The following TMEM132E variants were observed in gnomAD, a reference collection of about 807,000 sequenced individuals.
TMEM132E encodes the protein transmembrane protein 132E.
A neutral mutation model predicts 78.5 loss-of-function variants in TMEM132E; 49 were observed. The ratio of observed to expected loss-of-function variants is 0.62; its 90% CI spans 0.50 to 0.79. The LOEUF (loss-of-function observed/expected upper bound fraction) is 0.79. Ranked by LOEUF, TMEM132E falls within the 30% of genes least tolerant of loss-of-function variation. TMEM132E has a pLI of 0.00. For missense variants in TMEM132E, 1,403 were observed against 1,470.9 expected, an observed-to-expected ratio of 0.95 and a Z score of 0.75; for synonymous variants, 715 against 670.6, an observed-to-expected ratio of 1.07 and a Z score of -1.02.
intron 1 of TMEM132E, among the ~76,000 whole-genome samples, chr17:34,589,520 G>A (rs760987153): frequency 2.6e-5 from 4 of 152,196 alleles, no homozygotes. Flanking sequence ...TTCAGGGGCA[G>A]GGATTACATG....
At chr17:34,613,093 C>T (rs1050078601) in intron 1 of TMEM132E, among the ~76,000 whole-genome samples, 1 of 151,650 alleles carries the variant, frequency 6.6e-6, no homozygotes, top group African/African-American at 2.4e-5. Context: ...AGAGCCTCCC[C>T]TCCCAAAGCC....
At chr17:34,592,207 C>T (rs946996085) in intron 1 of TMEM132E, among the ~76,000 whole-genome samples, 1 of 152,150 alleles carries the variant, frequency 6.6e-6, no homozygotes, top group Non-Finnish European at 1.5e-5. Flanking sequence ...CCCACCCTTC[C>T]TCCCTCCCCA....
chr17:34,602,773 CA>C (rs1357191238), intron 1 of TMEM132E, among the ~76,000 whole-genome samples: 1 of 152,136 alleles, frequency 6.6e-6, no homozygotes. Context: ...GATTAGTGTC[CA>C]CGAAGGAGAG....
intron 1 of TMEM132E, among the ~76,000 whole-genome samples, chr17:34,581,837 C>T (rs1195339802): frequency 2.0e-5 from 3 of 151,980 alleles, no homozygotes; most frequent in Non-Finnish European, 4.4e-5. Flanking sequence ...TCCCCAGGCT[C>T]GCCCCGGGCT....
rs74715783 is a variant in TMEM132E at position 34,604,785 on chromosome 17, T to C, written c.68-21342T>C. ...CCAAAGTCTAATGAGAATGATTTAT[T>C]ATTAATAGCAACAGCTAATGTTTAT... On this transcript the variant is annotated intron_variant, in intron 1 of 8. Coordinates refer to ENST00000631683, the MANE Select transcript of TMEM132E (RefSeq NM_001304438.2). Among the ~76,000 whole-genome samples, 1,437 of 152,356 alleles carry C rather than the reference T, an allele frequency of 9.4e-3. 93 individuals carry two copies. The East Asian group carries it at 0.17, about 18-fold the overall frequency.
intron 1 of TMEM132E, among the ~76,000 whole-genome samples, chr17:34,584,924 A>G (rs1052828589): frequency 1.3e-5 from 2 of 152,154 alleles, no homozygotes; most frequent in African/African-American, 4.8e-5. Flanking sequence ...CAGCCCAGCA[A>G]CCTTGAGTTT....
intron 5 of TMEM132E, 148 bp downstream of exon 5, chr17:34,630,299 G>A: frequency 3.8e-6 from 3 of 796,400 alleles, no homozygotes; most frequent in Non-Finnish European, 5.8e-6. Context: ...TTCTGTTGCA[G>A]CAGCTGCCCC....
chr17:34,639,248 C>T lies in TMEM132E; in HGVS notation c.*1016C>T, dbSNP rs373527939. ...TCTCGGGTTCTACCCACCACTGTGTCGGATTTTTCTTAAATAAATGGAAGC... is the reference window on the plus strand; with the variant it reads ...TCTCGGGTTCTACCCACCACTGTGTTGGATTTTTCTTAAATAAATGGAAGC... On this transcript the variant is annotated 3_prime_UTR_variant, in exon 9 of 9. Coordinates refer to ENST00000631683, the MANE Select transcript of TMEM132E (RefSeq NM_001304438.2). 1.7e-4 allele frequency: 26 copies of T among 152,692 alleles called. No individual in the cohort carries two copies. Among genetic ancestry groups the T allele is most frequent in the African/African-American group, 5.8e-4 (24 of 41,558 alleles). 9.5% of individuals were successfully genotyped at this position (152,692 alleles called of 1,614,324 possible).
chr17:34,595,680 T>C (rs1906033871), intron 1 of TMEM132E, among the ~76,000 whole-genome samples: 1 of 152,222 alleles, frequency 6.6e-6, no homozygotes, highest in Non-Finnish European at 1.5e-5. Context: ...GGAGGAGTTA[T>C]AAAGCCAGGG....
chr17:34,593,592 GC>G lies in TMEM132E; in HGVS notation c.67+12452del, dbSNP rs1316668682. On this transcript the variant is annotated intron_variant, in intron 1 of 8. Transcript: ENST00000631683. Reference sequence around the variant, plus strand: ...CTGCTGTCCTTCTTGGAAATCCCCTGCCCAGCTCAGTGCCTGCTCAGCCCTT... The same window carrying G: ...CTGCTGTCCTTCTTGGAAATCCCCTGCCAGCTCAGTGCCTGCTCAGCCCTT... Among the ~76,000 whole-genome samples the G allele has an allele frequency of 2.0e-5, 3 of 152,340 alleles. No homozygotes were observed. The East Asian group carries it at 5.8e-4, about 29-fold the overall frequency.
chr17:34,623,654 C>A (rs944777000), intron 1 of TMEM132E, among the ~76,000 whole-genome samples: 1 of 152,220 alleles, frequency 6.6e-6, no homozygotes, highest in Admixed American at 6.5e-5. Context: ...ACTGATGTCA[C>A]CACCACAACT....
Position 34,626,819 on chromosome 17 carries a change from C to T in TMEM132E, c.760C>T (p.Pro254Ser), listed in dbSNP as rs780912440. The change falls in exon 2 of 9, where the codon CCC becomes TCC. Residue 254 changes from proline (P) to serine (S), a missense_variant. Pro to Ser is a moderately conservative substitution (Grantham distance 74). This residue lies in a region of TMEM132E where 511 missense variants were observed against 499.0 expected (regional missense o/e 1.02). Transcript: ENST00000631683. ...CGGGGGCTCCCGCCGGGGGGCCGGG[C>T]CCGGGGTGGGGGCCCGAGCGGAAAG... ...GCGGSRRGAG[P>S]GVGARAESPT... The T allele has an allele frequency of 6.5e-7, 1 of 1,540,624 alleles. No individual in the cohort carries two copies. Among genetic ancestry groups the T allele is most frequent in the South Asian group, 1.2e-5 (1 of 84,856 alleles).
In TMEM132E at chr17:34,626,963, C is replaced by G. The variant is rs778783888; in HGVS notation, c.904C>G (p.Pro302Ala). Residue 302 changes from proline (P) to alanine (A), a missense_variant, in exon 2 of 9, where the codon CCC (proline) becomes GCC (alanine). By Grantham distance (27) the Pro-to-Ala change is conservative (BLOSUM62 -1). Coordinates refer to ENST00000631683, the MANE Select transcript of TMEM132E (RefSeq NM_001304438.2). Reference sequence around the variant, plus strand: ...CCTGATGATCCGCCTGCCAGACCGGCCCCTCAAGCCCGGGGAAGTGCTCAG... The same window carrying G: ...CCTGATGATCCGCCTGCCAGACCGGGCCCTCAAGCCCGGGGAAGTGCTCAG... ...SNLMIRLPDRPLKPGEVLSIL... is the reference protein window; with the variant it reads ...SNLMIRLPDRALKPGEVLSIL... 2.5e-6 allele frequency: 4 copies of G among 1,613,926 alleles called. No homozygotes were observed. In the South Asian group the frequency reaches 4.4e-5, roughly 18 times the overall value.
intron 7 of TMEM132E, 61 bp downstream of exon 7, chr17:34,635,148 G>A (rs1907480793): frequency 1.3e-6 from 2 of 1,492,632 alleles, no homozygotes; most frequent in Non-Finnish European, 9.0e-7. Context: ...TTACCTGTGG[G>A]TGCAGAACTC....
chr17:34,594,370 AT>A (rs1169684921), intron 1 of TMEM132E, among the ~76,000 whole-genome samples: 2 of 152,232 alleles, frequency 1.3e-5, no homozygotes, highest in African/African-American at 4.8e-5. Flanking sequence ...GTATTCCTTC[AT>A]TCACTCATTA....
intron 1 of TMEM132E, among the ~76,000 whole-genome samples, chr17:34,594,800 T>C (rs1905998316): frequency 6.6e-6 from 1 of 152,180 alleles, no homozygotes; most frequent in Non-Finnish European, 1.5e-5. Flanking sequence ...GGAATTCTAA[T>C]GATGTTATCC....
At chr17:34,603,131 A>G (rs1486826607) in intron 1 of TMEM132E, among the ~76,000 whole-genome samples, 1 of 152,150 alleles carries the variant, frequency 6.6e-6, no homozygotes, top group Non-Finnish European at 1.5e-5. Context: ...ATCTAGGCTG[A>G]CAGAAAGTGG....
At chr17:34,622,114 C>G (rs529083011) in intron 1 of TMEM132E, among the ~76,000 whole-genome samples, 1 of 152,212 alleles carries the variant, frequency 6.6e-6, no homozygotes, top group Non-Finnish European at 1.5e-5. Flanking sequence ...TTAGCACACA[C>G]GCGTGTGTGC....
rs1303316346 is a variant in TMEM132E, at chr17:34,626,720, C to G, written c.661C>G (p.Pro221Ala). The G allele has an allele frequency of 3.9e-5, 54 of 1,375,968 alleles. No homozygotes were observed. In the South Asian group the frequency reaches 7.2e-4, roughly 18 times the overall value. 85.2% of individuals were successfully genotyped at this position (1,375,968 alleles called of 1,614,324 possible). Residue 221 changes from proline (P) to alanine (A), a missense_variant, in exon 2 of 9, where the codon CCC becomes GCC. By Grantham distance (27) the Pro-to-Ala change is conservative. Around this residue, in one of 3 missense-constraint regions of TMEM132E, gnomAD observed 511 missense variants for 499.0 expected, o/e 1.02. Transcript: ENST00000631683. ...CCGCAAGTCCCCGGACGGGCTGGAG[C>G]CCGAGGCGACGGGGGAGAGCCAGCA... is the stretch of plus-strand genomic sequence containing the variant. ...ARRKSPDGLE[P>A]EATGESQQAE...
Sources: gnomAD v4.1 joint callset for allele counts (sites outside exome capture counted in the v4.1 genomes callset) on GRCh38, gnomAD v4.1.1 for gene constraint, gnomAD v4.1.1 regional missense constraint, MANE v1.5 for transcripts, NCBI Gene and HGNC (gene_info 2026-07-23, HGNC 2026-07-21) for gene names.